The following ZNF277 variants were observed in gnomAD, a reference collection of about 807,000 sequenced individuals.
ZNF277 encodes the protein zinc finger protein 277.
In ZNF277, 55 loss-of-function variants were observed where a neutral mutation model predicts 60.7. That is an observed-to-expected ratio of 0.91 (90% confidence interval 0.73 to 1.13). ZNF277 has a LOEUF of 1.13. Ranked by LOEUF, ZNF277 falls within the 50% of genes most tolerant of loss-of-function variation. The probability of loss-of-function intolerance (pLI) is 0.00; values close to 1 mark genes in which losing one functional copy is unlikely to be tolerated. For missense variants in ZNF277, 510 were observed against 523.0 expected (o/e 0.98, Z 0.24); for synonymous variants, 178 against 179.3 (o/e 0.99, Z 0.06).
intron 1 of ZNF277, among the ~76,000 whole-genome samples, chr7:112,271,819 A>C (rs1791675716): frequency 6.6e-6 from 1 of 152,032 alleles, no homozygotes; most frequent in South Asian, 2.1e-4. Flanking sequence ...TTATGGGTAC[A>C]TACTAGGTGT....
chr7:112,214,094 C>T (rs1054407690), intron 1 of ZNF277, among the ~76,000 whole-genome samples: 7 of 152,080 alleles, frequency 4.6e-5, no homozygotes, highest in African/African-American at 9.7e-5. Flanking sequence ...GGTCAGATAC[C>T]GAATTACATA....
intron 4 of ZNF277, among the ~76,000 whole-genome samples, chr7:112,316,793 C>A (rs566966083): frequency 1.1e-4 from 16 of 152,066 alleles, no homozygotes; most frequent in Non-Finnish European, 1.9e-4. Flanking sequence ...TCAGCGGTCC[C>A]GTTACTGTGT....
chr7:112,330,546 T>G (rs1056094472), intron 7 of ZNF277: 1 of 155,588 alleles, frequency 6.4e-6, no homozygotes, highest in African/African-American at 3.9e-5. Context: ...AGAGACTCCT[T>G]TCTTTTTTTT....
At chr7:112,317,314 TA>T (rs1326936392) in intron 4 of ZNF277, among the ~76,000 whole-genome samples, 1 of 151,814 alleles carries the variant, frequency 6.6e-6, no homozygotes, top group African/African-American at 2.4e-5. Flanking sequence ...AATAAAAAAT[TA>T]AAAAAGAGAA....
intron 4 of ZNF277, among the ~76,000 whole-genome samples, chr7:112,306,781 T>A (rs1000009722): frequency 1.3e-5 from 2 of 152,094 alleles, no homozygotes; most frequent in Admixed American, 1.3e-4. Context: ...TTTAATTTTT[T>A]AATATTTAAA....
intron 1 of ZNF277, among the ~76,000 whole-genome samples, chr7:112,273,248 C>G (rs1353651984): frequency 6.6e-6 from 1 of 152,172 alleles, no homozygotes; most frequent in African/African-American, 2.4e-5. Flanking sequence ...ATGGGTGATT[C>G]CCCTCTGACT....
chr7:112,210,467 T>G (rs28648532), intron 1 of ZNF277, among the ~76,000 whole-genome samples: 1,685 of 11,586 alleles, frequency 0.15, 19 homozygotes, highest in African/African-American at 0.22. Flanking sequence ...TGTTTTTTGT[T>G]TTTTTTTTTT....
At chr7:112,218,697 A>G (rs556240836) in intron 1 of ZNF277, among the ~76,000 whole-genome samples, 11 of 152,314 alleles carry the variant, frequency 7.2e-5, no homozygotes, top group African/African-American at 2.6e-4. Context: ...TAGATTTCAC[A>G]TACAAATAAG....
At chr7:112,235,743 A>G (rs1822470612) in intron 1 of ZNF277, among the ~76,000 whole-genome samples, 1 of 151,986 alleles carries the variant, frequency 6.6e-6, no homozygotes, top group African/African-American at 2.4e-5. Flanking sequence ...TTTGAAGTAC[A>G]AAAGGTTTTT....
At chr7:112,256,191 A>T (rs779626205) in intron 1 of ZNF277, among the ~76,000 whole-genome samples, 9 of 152,144 alleles carry the variant, frequency 5.9e-5, no homozygotes, top group Non-Finnish European at 1.2e-4. Flanking sequence ...TTCCTAAATA[A>T]TTTTGATTTG....
chr7:112,262,155 A>G (rs1047471378), intron 1 of ZNF277, among the ~76,000 whole-genome samples: 5 of 150,794 alleles, frequency 3.3e-5, no homozygotes, highest in Admixed American at 6.6e-5. Context: ...CCTCCTTCCT[A>G]CAATCTGCCC....
intron 4 of ZNF277, among the ~76,000 whole-genome samples, chr7:112,296,878 C>A (rs568473312): frequency 3.4e-4 from 33 of 98,090 alleles, no homozygotes; most frequent in Admixed American, 1.5e-3. Flanking sequence ...ATTTTATTTT[C>A]TTATTTTTAT....
At chr7:112,242,831 A>T (rs1440996588) in intron 1 of ZNF277, among the ~76,000 whole-genome samples, 1 of 152,130 alleles carries the variant, frequency 6.6e-6, no homozygotes, top group Non-Finnish European at 1.5e-5. Context: ...AAAAATTCAC[A>T]TGGAACCACA....
At position 112,327,709 on chromosome 7, in the gene ZNF277, CT is replaced by C. The variant is rs1793130990; in HGVS notation, c.558-6del. ...TGAATAATCCTAATTGCTCAAATTTCTTCCTAGATCTGTTATTTTGAACCAC... is the reference window on the plus strand; with the variant it reads ...TGAATAATCCTAATTGCTCAAATTTCTCCTAGATCTGTTATTTTGAACCAC... On this transcript the variant is annotated splice_region_variant and splice_polypyrimidine_tract_variant and intron_variant, in intron 5 of 11. Coordinates refer to ENST00000361822, the MANE Select transcript of ZNF277 (RefSeq NM_021994.3). 2 of 1,604,650 alleles carry C rather than the reference CT, an allele frequency of 1.2e-6. No homozygotes were observed. The highest frequency in any genetic ancestry group is 1.3e-5 in the African/African-American group (1 of 74,692).
rs1205638637 is a variant in ZNF277 at position 112,341,016 on chromosome 7, T to C, written c.1154T>C (p.Leu385Pro). 1 of 1,600,628 alleles carries C rather than the reference T, an allele frequency of 6.2e-7. No homozygotes were observed. Among genetic ancestry groups the C allele is most frequent in the East Asian group, 2.3e-5 (1 of 44,330 alleles). Residue 385 changes from leucine to proline, a missense_variant, in exon 11 of 12, where the codon CTC becomes CCC. Transcript: ENST00000361822. ...GAAGAAACTAAACACACTTCGCTGC[T>C]CCCCGATAGAAAGACGTGGGATCAA... ...HMEETKHTSLLPDRKTWDQLE... is the reference protein window; with the variant it reads ...HMEETKHTSLPPDRKTWDQLE...
At position 112,213,818 on chromosome 7, in the gene ZNF277, G is replaced by T. The variant is rs551519438; in HGVS notation, c.91+7011G>T. On this transcript the variant is annotated intron_variant, in intron 1 of 11. Coordinates refer to ENST00000361822, the MANE Select transcript of ZNF277 (RefSeq NM_021994.3). Reference sequence around the variant, plus strand: ...GAAAGGCAGTATGGAATAGTGAAAAGATTTTAAAATCAGGCCAGCTTAGGA... The same window carrying T: ...GAAAGGCAGTATGGAATAGTGAAAATATTTTAAAATCAGGCCAGCTTAGGA... Among the ~76,000 whole-genome samples, 30 of 152,318 alleles carry T rather than the reference G, an allele frequency of 2.0e-4. No individual in the cohort carries two copies. The Middle Eastern group carries it at 0.014, about 69-fold the overall frequency.
intron 2 of ZNF277, chr7:112,288,634 CGATCTG>C (rs1199589543): frequency 6.5e-6 from 1 of 153,042 alleles, no homozygotes; most frequent in Admixed American, 6.5e-5. Flanking sequence ...AATGTGAGGG[CGATCTG>C]GCTGTGACAT....
intron 1 of ZNF277, among the ~76,000 whole-genome samples, chr7:112,243,051 T>G (rs886868783): frequency 6.6e-6 from 1 of 151,812 alleles, no homozygotes; most frequent in African/African-American, 2.4e-5. Flanking sequence ...TTTGACAAAG[T>G]TGACAAAAAT....
chr7:112,210,316 C>G (rs1195064245), intron 1 of ZNF277, among the ~76,000 whole-genome samples: 1 of 152,124 alleles, frequency 6.6e-6, no homozygotes, highest in Non-Finnish European at 1.5e-5. Context: ...CTCAAAATCT[C>G]TGCTAGAGTG....
Sources: allele counts gnomAD v4.1 joint callset (sites outside exome capture counted in the v4.1 genomes callset), GRCh38; gene constraint gnomAD v4.1.1; transcripts MANE v1.5; gene names NCBI Gene and HGNC (gene_info 2026-07-23, HGNC 2026-07-21).